CCBE1: variants seen among roughly 807,000 people sequenced by gnomAD.
CCBE1 encodes the protein collagen and calcium-binding EGF domain-containing protein 1.
Under a neutral mutation model 50.0 loss-of-function variants are expected in CCBE1, and 37 were observed. The observed-to-expected ratio is 0.74, with a 90% CI of 0.57 to 0.97. The LOEUF (loss-of-function observed/expected upper bound fraction) is 0.97, where lower values mean the gene tolerates loss of function less well. Ranked by LOEUF, CCBE1 falls within the 50% of genes least tolerant of loss-of-function variation. CCBE1 has a pLI of 0.00. For missense variants in CCBE1, 538 were observed against 523.8 expected, an observed-to-expected ratio of 1.03 and a Z score of -0.26; for synonymous variants, 234 against 203.7, an observed-to-expected ratio of 1.15 and a Z score of -1.27.
intron 5 of CCBE1, among the ~76,000 whole-genome samples, chr18:59,455,816 T>TCAGG (rs1456992399): frequency 5.3e-5 from 8 of 152,200 alleles, no homozygotes; most frequent in Non-Finnish European, 1.2e-4. Flanking sequence ...GGTGTTTTGT[T>TCAGG]CAGGCAGGCA....
At chr18:59,572,047 T>A (rs2052922748) in intron 2 of CCBE1, among the ~76,000 whole-genome samples, 1 of 152,242 alleles carries the variant, frequency 6.6e-6, no homozygotes, top group Non-Finnish European at 1.5e-5. Flanking sequence ...GGGTTTTTAT[T>A]GTGGTTGTTT....
intron 2 of CCBE1, among the ~76,000 whole-genome samples, chr18:59,672,477 A>C (rs2054445435): frequency 6.6e-6 from 1 of 152,174 alleles, no homozygotes; most frequent in Non-Finnish European, 1.5e-5. Context: ...ATACACCATA[A>C]ACAGATGCCC....
At chr18:59,618,446 T>G (rs2053666672) in intron 2 of CCBE1, among the ~76,000 whole-genome samples, 1 of 151,990 alleles carries the variant, frequency 6.6e-6, no homozygotes, top group African/African-American at 2.4e-5. Context: ...GTTTTTTTTT[T>G]TTTTTTGAGA....
intron 2 of CCBE1, among the ~76,000 whole-genome samples, chr18:59,496,278 G>T (rs1200866557): frequency 6.6e-6 from 1 of 152,146 alleles, no homozygotes; most frequent in Non-Finnish European, 1.5e-5. Flanking sequence ...GAAGGCAGGG[G>T]TTGAGTCTCC....
intron 2 of CCBE1, among the ~76,000 whole-genome samples, chr18:59,614,823 C>T (rs1267216873): frequency 6.6e-6 from 1 of 152,236 alleles, no homozygotes; most frequent in Admixed American, 6.5e-5. Flanking sequence ...TGACATGACC[C>T]AACCTACATA....
intron 2 of CCBE1, among the ~76,000 whole-genome samples, chr18:59,550,628 C>T (rs745662628): frequency 2.0e-5 from 3 of 152,148 alleles, no homozygotes; most frequent in African/African-American, 4.8e-5. Flanking sequence ...AGCCCTGTGA[C>T]GTTAGAACAT....
chr18:59,674,700 G>A (rs2054476250), intron 2 of CCBE1, among the ~76,000 whole-genome samples: 1 of 152,182 alleles, frequency 6.6e-6, no homozygotes. Flanking sequence ...TTAAGTGTTT[G>A]TTTGACAGGA....
Position 59,645,282 on chromosome 18 carries a change from G to T in CCBE1, c.212+51347C>A, listed in dbSNP as rs987813871. On this transcript the variant is annotated intron_variant, in intron 2 of 10. Coordinates refer to ENST00000439986, the MANE Select transcript of CCBE1 (RefSeq NM_133459.4). Reference sequence around the variant, plus strand: ...TCCCAATTTGTCATCTGTTGATTTAGGGATCCTAAGAATATCACAAGTCCA... The same window carrying T: ...TCCCAATTTGTCATCTGTTGATTTATGGATCCTAAGAATATCACAAGTCCA... 5.8e-4 allele frequency among the ~76,000 whole-genome samples: 89 copies of T among 152,160 alleles called. 1 individual carries two copies. Among genetic ancestry groups the T allele is most frequent in the Non-Finnish European group, 4.4e-5 (3 of 68,036 alleles).
chr18:59,601,010 G>A (rs1253418979), intron 2 of CCBE1, among the ~76,000 whole-genome samples: 2 of 58,004 alleles, frequency 3.4e-5, no homozygotes, highest in African/African-American at 5.4e-5. Context: ...CTATGTGTCA[G>A]TTTTTTTTTT....
chr18:59,452,635 C>A (rs1910994847), intron 6 of CCBE1, among the ~76,000 whole-genome samples: 1 of 152,060 alleles, frequency 6.6e-6, no homozygotes, highest in Non-Finnish European at 1.5e-5. Context: ...AGTTCAAACA[C>A]TGGCACAGGA....
intron 2 of CCBE1, among the ~76,000 whole-genome samples, chr18:59,615,045 A>G (rs150971302): frequency 2.6e-5 from 4 of 152,270 alleles, no homozygotes; most frequent in African/African-American, 7.2e-5. Flanking sequence ...CCTGACAACT[A>G]TGTGTCCACT....
intron 2 of CCBE1, among the ~76,000 whole-genome samples, chr18:59,626,098 C>T (rs531874869): frequency 2.6e-5 from 4 of 152,052 alleles, no homozygotes; most frequent in East Asian, 1.9e-4. Context: ...TGCATCAAAG[C>T]GCAGAAGTGG....
chr18:59,506,554 T>C (rs866898127), intron 2 of CCBE1, among the ~76,000 whole-genome samples: 6 of 152,194 alleles, frequency 3.9e-5, no homozygotes, highest in Middle Eastern at 3.2e-3. Context: ...AGACCTTCGG[T>C]CAAAGGATAG....
chr18:59,582,875 C>G (rs2053105724), intron 2 of CCBE1, among the ~76,000 whole-genome samples: 1 of 152,204 alleles, frequency 6.6e-6, no homozygotes, highest in Non-Finnish European at 1.5e-5. Flanking sequence ...TGCAGTGGCA[C>G]TATCATAGCT....
intron 9 of CCBE1, among the ~76,000 whole-genome samples, chr18:59,438,878 G>C (rs1006997858): frequency 2.6e-5 from 4 of 152,036 alleles, no homozygotes; most frequent in Non-Finnish European, 5.9e-5. Flanking sequence ...GGCCGGGAGC[G>C]GTGCCTCACA....
At chr18:59,690,858 C>T (rs1197416602) in intron 2 of CCBE1, among the ~76,000 whole-genome samples, 1 of 152,208 alleles carries the variant, frequency 6.6e-6, no homozygotes, top group Admixed American at 6.5e-5. Flanking sequence ...GTCTGTGGCA[C>T]AATTAAACAC....
intron 2 of CCBE1, among the ~76,000 whole-genome samples, chr18:59,679,667 T>G (rs1009453825): frequency 1.3e-5 from 2 of 152,176 alleles, no homozygotes; most frequent in Admixed American, 1.3e-4. Context: ...ATGCTGTGGG[T>G]CCCCAAAATC....
chr18:59,527,964 ATCT>A, intron 2 of CCBE1, among the ~76,000 whole-genome samples: 1 of 152,158 alleles, frequency 6.6e-6, no homozygotes, highest in South Asian at 2.1e-4. Context: ...CGTGGGGTTG[ATCT>A]TCTCATGGAG....
intron 2 of CCBE1, among the ~76,000 whole-genome samples, chr18:59,527,026 A>C (rs1914851210): frequency 6.6e-6 from 1 of 152,180 alleles, no homozygotes; most frequent in Middle Eastern, 3.2e-3. Flanking sequence ...TAATAGGCTC[A>C]CTTGATCCAG....
Sources: gnomAD v4.1 joint callset for allele counts (sites outside exome capture counted in the v4.1 genomes callset) on GRCh38, gnomAD v4.1.1 for gene constraint, MANE v1.5 for transcripts, NCBI Gene and HGNC (gene_info 2026-07-23, HGNC 2026-07-21) for gene names.